GON4L: variants seen among roughly 807,000 people sequenced by gnomAD.
GON4L encodes the protein GON-4-like protein.
A neutral mutation model predicts 211.8 loss-of-function variants in GON4L; 87 were observed. The observed-to-expected ratio is 0.41, with a 90% CI of 0.35 to 0.49. GON4L has a LOEUF of 0.49. Ranked by LOEUF, GON4L falls within the 20% of genes least tolerant of loss-of-function variation. The pLI is 0.15. For missense variants in GON4L, 2,155 were observed against 2,659.5 expected (o/e 0.81, Z 4.17); for synonymous variants, 875 against 962.6 (o/e 0.91, Z 1.68).
intron 2 of GON4L, among the ~76,000 whole-genome samples, chr1:155,851,141 T>C (rs911684743): frequency 4.9e-5 from 7 of 141,586 alleles, no homozygotes; most frequent in African/African-American, 1.6e-4. Context: ...GATCACGAGG[T>C]CATGAAATTG....
chr1:155,748,757 G>A, downstream of GON4L: 1 of 1,614,150 alleles, frequency 6.2e-7, no homozygotes, highest in Admixed American at 1.7e-5. Context: ...AGTCAGTGGT[G>A]CTGAGGGTAT....
At chr1:155,767,221 T>C (rs1662607410) in intron 20 of GON4L, 1 of 1,251,030 alleles carries the variant, frequency 8.0e-7, no homozygotes, top group African/African-American at 1.5e-5. Context: ...CTTTAGCAAA[T>C]TATTATTTTA....
chr1:155,811,426 A>C (rs1667760198), intron 10 of GON4L, among the ~76,000 whole-genome samples: 1 of 147,850 alleles, frequency 6.8e-6, no homozygotes, highest in Admixed American at 6.8e-5. Context: ...AAGAAAGAAT[A>C]ATCAATGGAT....
In GON4L at chr1:155,756,975, C is replaced by A. The variant is rs372043132; in HGVS notation, c.5500G>T (p.Val1834Phe). 3 of 1,612,672 alleles carry A rather than the reference C, an allele frequency of 1.9e-6. No homozygotes were observed. The highest frequency in any genetic ancestry group is 2.5e-6 in the Non-Finnish European group (3 of 1,178,820). Residue 1834 changes from valine to phenylalanine, a missense_variant, in exon 27 of 32, where the codon GTC becomes TTC. Transcript: ENST00000368331. ...SKNKRKKEIG[V>F]QNHDKETEWP... Reference sequence around the variant, plus strand: ...GAAAATACCTTATCATGATTTTGGACCCCGATCTCTTTTTTCCTCTTGTTC... The same window carrying A: ...GAAAATACCTTATCATGATTTTGGAACCCGATCTCTTTTTTCCTCTTGTTC...
At chr1:155,754,520 A>ATTTTT in intron 27 of GON4L, 32 bp from the exon 28 acceptor site, 1 of 783,556 alleles carries the variant, frequency 1.3e-6, no homozygotes, top group Non-Finnish European at 2.1e-6. Context: ...TTAGCTGCCA[A>ATTTTT]GTTGTTTTTT....
chr1:155,817,301 C>T (rs1668338691), intron 6 of GON4L, among the ~76,000 whole-genome samples: 1 of 152,060 alleles, frequency 6.6e-6, no homozygotes, highest in Non-Finnish European at 1.5e-5. Context: ...GCCTAAAGAA[C>T]TTTTTTAAAG....
downstream of GON4L, chr1:155,746,954 C>T (rs553003336): frequency 4.4e-6 from 7 of 1,601,994 alleles, no homozygotes; most frequent in South Asian, 5.5e-5. Context: ...GGATTTTAAT[C>T]ATTTTAAATG....
chr1:155,780,381 C>T (rs1664299535), intron 14 of GON4L, among the ~76,000 whole-genome samples: 1 of 151,818 alleles, frequency 6.6e-6, no homozygotes, highest in Admixed American at 6.6e-5. Context: ...CACTTTAGGT[C>T]AGTGGTTCGA....
At chr1:155,832,229 C>T (rs1669847005) in intron 2 of GON4L, among the ~76,000 whole-genome samples, 1 of 11,244 alleles carries the variant, frequency 8.9e-5, no homozygotes, top group Non-Finnish European at 2.7e-3. Flanking sequence ...GAGCTAAGAT[C>T]ACGCCACTAC....
chr1:155,830,764 T>C (rs1182462852), intron 2 of GON4L, among the ~76,000 whole-genome samples: 2 of 152,078 alleles, frequency 1.3e-5, no homozygotes, highest in Non-Finnish European at 2.9e-5. Context: ...TTTTATTTTA[T>C]TTTTGTAGAG....
intron 2 of GON4L, among the ~76,000 whole-genome samples, chr1:155,833,387 C>CA (rs919139240): frequency 4.6e-5 from 7 of 151,976 alleles, no homozygotes; most frequent in African/African-American, 1.7e-4. Context: ...TGGTGGCTCA[C>CA]ACCTGTGATC....
Position 155,766,656 on chromosome 1 carries a change from T to C in GON4L, c.2817A>G (p.Arg939=). 1 of 1,614,154 alleles carries C rather than the reference T, an allele frequency of 6.2e-7. No individual in the cohort carries two copies. Among genetic ancestry groups the C allele is most frequent in the Non-Finnish European group, 8.5e-7 (1 of 1,180,032 alleles). ...EELRHMADGA[R]EVGNMTGTTE... ...TGGTTCCAGTCATATTTCCTACCTC[T>C]CTAGCACCATCAGCCATGTGCCGCA... The change falls in exon 21 of 32, where the codon AGA becomes AGG. Residue 939 remains arginine (R), a synonymous_variant. Transcript: ENST00000368331.
intron 22 of GON4L, 24 bp downstream of exon 22, chr1:155,763,288 T>C: frequency 6.2e-7 from 1 of 1,610,670 alleles, no homozygotes; most frequent in Non-Finnish European, 8.5e-7. Flanking sequence ...GAATGGTCCT[T>C]CAGTATAGGT....
At chr1:155,771,327 G>C in intron 18 of GON4L, 110 bp from the exon 19 acceptor site, 7 of 1,427,786 alleles carry the variant, frequency 4.9e-6, no homozygotes, top group Non-Finnish European at 6.8e-6. Context: ...CTTGAGACAA[G>C]GTCTCACGCT....
intron 11 of GON4L, among the ~76,000 whole-genome samples, chr1:155,801,832 G>T (rs972748134): frequency 6.6e-6 from 1 of 151,196 alleles, no homozygotes; most frequent in African/African-American, 2.4e-5. Context: ...GCAGTGAGCC[G>T]AGATCACACC....
In GON4L at chr1:155,762,196, C is replaced by T. The variant is rs771562964; in HGVS notation, c.4905G>A (p.Leu1635=). The change falls in exon 23 of 32, where the codon CTG becomes CTA. Residue 1635 remains leucine, a synonymous_variant. Transcript: ENST00000368331. ...QKDLAFAQAY[L]TRVREALQHI... ...GGAAGCAGCATTTGCCTACCCTGGTCAGATAAGCTTGGGCAAAGGCCAAGT... is the reference window on the plus strand; with the variant it reads ...GGAAGCAGCATTTGCCTACCCTGGTTAGATAAGCTTGGGCAAAGGCCAAGT... 2.5e-6 allele frequency: 4 copies of T among 1,605,366 alleles called. No individual in the cohort carries two copies. Among genetic ancestry groups the T allele is most frequent in the Non-Finnish European group, 3.4e-6 (4 of 1,175,932 alleles).
chr1:155,823,720 C>A (rs1668925449), intron 3 of GON4L, among the ~76,000 whole-genome samples: 2 of 151,990 alleles, frequency 1.3e-5, no homozygotes, highest in South Asian at 2.1e-4. Context: ...CATGGTGAAA[C>A]CTCGTCTCTA....
At chr1:155,814,278 A>C in intron 9 of GON4L, 52 bp downstream of exon 9, 18 of 1,539,844 alleles carry the variant, frequency 1.2e-5, no homozygotes, top group Non-Finnish European at 1.6e-5. Context: ...ACAGTTAAAA[A>C]ATCTACTTAG....
At chr1:155,847,520 GGTGAAACCCC>G (rs1255171607) in intron 2 of GON4L, among the ~76,000 whole-genome samples, 1 of 152,076 alleles carries the variant, frequency 6.6e-6, no homozygotes, top group Non-Finnish European at 1.5e-5. Flanking sequence ...TGACCAACAT[GGTGAAACCCC>G]GTCTCTACTA....
Sources: gnomAD v4.1 joint callset for allele counts (sites outside exome capture counted in the v4.1 genomes callset) on GRCh38, gnomAD v4.1.1 for gene constraint, MANE v1.5 for transcripts, NCBI Gene and HGNC (gene_info 2026-07-23, HGNC 2026-07-21) for gene names.